IQSEC1: variants seen among roughly 807,000 people sequenced by gnomAD.
The protein encoded by IQSEC1 is IQ motif and Sec7 domain ArfGEF 1, also known as IQ motif and SEC7 domain-containing protein 1.
In IQSEC1, 31 loss-of-function variants were observed where a neutral mutation model predicts 91.0. The ratio of observed to expected loss-of-function variants is 0.34; its 90% CI spans 0.26 to 0.46. The LOEUF is 0.46. IQSEC1 is among the 20% of genes least tolerant of loss of function. The probability of loss-of-function intolerance (pLI) is 1.00; values close to 1 mark genes in which losing one functional copy is unlikely to be tolerated. For synonymous variants in IQSEC1, 699 were observed against 662.6 expected (o/e 1.05, Z -0.84); for missense variants, 1,388 against 1,575.6 (o/e 0.88, Z 2.02).
chr3:13,025,194 G>A (rs952272838), intron 1 of IQSEC1, among the ~76,000 whole-genome samples: 2 of 152,212 alleles, frequency 1.3e-5, no homozygotes, highest in Non-Finnish European at 2.9e-5. Flanking sequence ...TGGGGGAAGC[G>A]AGGGCAGGTC....
intron 2 of IQSEC1, among the ~76,000 whole-genome samples, chr3:13,131,037 A>AAGGAAGGAAGGAAAGGAAGGAAGGAAGG (rs144089637): frequency 2.4e-4 from 34 of 143,896 alleles, no homozygotes; most frequent in African/African-American, 7.5e-4. Context: ...GGAAGGAAGG[A>AAGGAAGGAAGGAAAGGAAGGAAGGAAGG]AAGGAAGGAA....
intron 1 of IQSEC1, among the ~76,000 whole-genome samples, chr3:13,267,089 G>T (rs73138154): frequency 0.048 from 7,358 of 152,250 alleles, 583 homozygotes; most frequent in African/African-American, 0.17. Flanking sequence ...GGGAGGTGGG[G>T]CCTCTGGGAG....
chr3:13,007,179 G>A (rs1702672442), intron 1 of IQSEC1, among the ~76,000 whole-genome samples: 2 of 152,236 alleles, frequency 1.3e-5, no homozygotes, highest in African/African-American at 4.8e-5. Context: ...AGGGAATCAC[G>A]TGTCTTCATG....
intron 2 of IQSEC1, among the ~76,000 whole-genome samples, chr3:13,158,869 C>T (rs1249722172): frequency 6.6e-6 from 1 of 151,736 alleles, no homozygotes; most frequent in Non-Finnish European, 1.5e-5. Context: ...GGCTGAGGCA[C>T]GAGAATCGCT....
chr3:13,229,535 G>C lies in IQSEC1; in HGVS notation c.272+53176C>G, dbSNP rs373639262. ...GGCTGCCCGGGACTGACTGTCACAC[G>C]AGTGCATTACAGACAAATGCAGGGG... On this transcript the variant is annotated intron_variant, in intron 1 of 15. Coordinates refer to the IQSEC1 transcript ENST00000648114. Among the ~76,000 whole-genome samples, 44 of 152,326 alleles carry C rather than the reference G, an allele frequency of 2.9e-4. No individual in the cohort carries two copies. In the South Asian group the frequency reaches 9.1e-3, roughly 32 times the overall value.
upstream of IQSEC1, among the ~76,000 whole-genome samples, chr3:13,076,681 C>CA (rs1705568122): frequency 6.6e-6 from 1 of 152,170 alleles, no homozygotes; most frequent in South Asian, 2.1e-4. Flanking sequence ...TGTGGAACTG[C>CA]AAAGCCGTCA....
At chr3:13,096,915 C>T (rs1244275011) in intron 2 of IQSEC1, among the ~76,000 whole-genome samples, 3 of 147,870 alleles carry the variant, frequency 2.0e-5, no homozygotes, top group Admixed American at 6.9e-5. Flanking sequence ...GGCTGGAGTG[C>T]GGTGGCGCGA....
chr3:12,996,627 T>G lies in IQSEC1; in HGVS notation c.24-54762A>C, dbSNP rs147920695. On this transcript the variant is annotated intron_variant, in intron 1 of 13. Coordinates refer to ENST00000613206, the MANE Select transcript of IQSEC1 (RefSeq NM_001134382.3). ...AGACAAATGGTAAACTGAAAAAAAATGTCTGCTGCAGCACATATGACAGAA... is the reference window on the plus strand; with the variant it reads ...AGACAAATGGTAAACTGAAAAAAAAGGTCTGCTGCAGCACATATGACAGAA... Among the ~76,000 whole-genome samples, 136 of 151,754 alleles carry G rather than the reference T, an allele frequency of 9.0e-4. 2 individuals carry two copies. The East Asian group carries it at 0.022, about 24-fold the overall frequency.
chr3:13,104,533 T>C (rs2686749), intron 2 of IQSEC1, among the ~76,000 whole-genome samples: 113,588 of 152,126 alleles, frequency 0.75, 42,769 homozygotes, highest in Admixed American at 0.79. Context: ...TTTCCACCGC[T>C]GACCCAGCAC....
intron 1 of IQSEC1, among the ~76,000 whole-genome samples, chr3:13,069,402 T>C (rs1705341422): frequency 6.6e-6 from 1 of 152,162 alleles, no homozygotes; most frequent in Non-Finnish European, 1.5e-5. Flanking sequence ...TGTGTGTGTG[T>C]GTGGAATGTT....
rs1438978995 is a variant in IQSEC1, at chr3:13,193,793, G to T, written c.273-29660C>A. The stretch of plus-strand genomic sequence containing the variant: ...CCCCCGGCCCCACACCCTCCTGCCT[G>T]CACCTGCTCACACCCAGACCTGGCC... On this transcript the variant is annotated intron_variant, in intron 1 of 15. Coordinates refer to the IQSEC1 transcript ENST00000648114. The surrounding 1 kb of genome is among the most constrained non-coding windows in gnomAD (Gnocchi z 4.2). Among the ~76,000 whole-genome samples, 2 of 152,128 alleles carry T rather than the reference G, an allele frequency of 1.3e-5. No homozygotes were observed. Among genetic ancestry groups the T allele is most frequent in the Non-Finnish European group, 2.9e-5 (2 of 68,010 alleles).
At chr3:13,233,012 G>A (rs966689615) in intron 1 of IQSEC1, among the ~76,000 whole-genome samples, 1 of 152,232 alleles carries the variant, frequency 6.6e-6, no homozygotes, top group Non-Finnish European at 1.5e-5. Context: ...TGGAGGCAGA[G>A]TTTGTATTTG....
In IQSEC1 at chr3:12,899,927, G is replaced by T. The variant is rs914100368; in HGVS notation, c.*1056C>A. ...CCGTGTATGGGTGCCCCTCTCGGAGGACTCTGAATGAGTGTGCGTCAAATC... is the reference window on the plus strand; with the variant it reads ...CCGTGTATGGGTGCCCCTCTCGGAGTACTCTGAATGAGTGTGCGTCAAATC... On this transcript the variant is annotated 3_prime_UTR_variant, in exon 14 of 14. Transcript: ENST00000613206. The T allele has an allele frequency of 1.0e-6, 1 of 985,286 alleles. No homozygotes were observed. The highest frequency in any genetic ancestry group is 1.2e-6 in the Non-Finnish European group (1 of 829,906). 61.0% of individuals were successfully genotyped at this position (985,286 alleles called of 1,614,324 possible).
intron 1 of IQSEC1, among the ~76,000 whole-genome samples, chr3:13,233,915 G>A (rs911923852): frequency 6.6e-6 from 1 of 152,174 alleles, no homozygotes; most frequent in Non-Finnish European, 1.5e-5. Flanking sequence ...CAAAAAGTGG[G>A]GAGGGTGAAT....
At chr3:13,118,811 C>T (rs926726204) in intron 2 of IQSEC1, among the ~76,000 whole-genome samples, 1 of 152,156 alleles carries the variant, frequency 6.6e-6, no homozygotes. Flanking sequence ...GGCGGTGGCT[C>T]ATGCCTGTAA....
chr3:13,036,285 T>C (rs1704032287), intron 1 of IQSEC1, among the ~76,000 whole-genome samples: 1 of 152,162 alleles, frequency 6.6e-6, no homozygotes, highest in Non-Finnish European at 1.5e-5. Context: ...TTTCTGTGAC[T>C]TTAGGCTGGT....
At position 12,922,376 on chromosome 3, in the gene IQSEC1, A is replaced by G. The variant is rs2125187305; in HGVS notation, c.1731-134T>C. ...CAGGGAGAGCCCCTGCCTGACTCCG[A>G]CCAATCAGCCAAGAGCCCTCAGAAT... On this transcript the variant is annotated intron_variant, in intron 4 of 13. Coordinates refer to ENST00000613206, the MANE Select transcript of IQSEC1 (RefSeq NM_001134382.3). The surrounding 1 kb of genome is among the most constrained non-coding windows in gnomAD (Gnocchi z 5.1). 2 of 1,127,726 alleles carry G rather than the reference A, an allele frequency of 1.8e-6. No homozygotes were observed. Among genetic ancestry groups the G allele is most frequent in the East Asian group, 2.9e-5 (1 of 34,746 alleles). 69.9% of individuals were successfully genotyped at this position (1,127,726 alleles called of 1,614,324 possible).
chr3:12,903,455 C>A (rs1356301113), intron 12 of IQSEC1, among the ~76,000 whole-genome samples: 1 of 152,226 alleles, frequency 6.6e-6, no homozygotes, highest in Non-Finnish European at 1.5e-5. Context: ...TGCCGGAAAC[C>A]GCCTTCCAGC....
At chr3:13,231,964 C>T (rs1694845925) in intron 1 of IQSEC1, among the ~76,000 whole-genome samples, 1 of 152,258 alleles carries the variant, frequency 6.6e-6, no homozygotes, top group South Asian at 2.1e-4. Context: ...CGCCGAGAGG[C>T]GGATGTCACT....
Sources: allele counts gnomAD v4.1 joint callset (sites outside exome capture counted in the v4.1 genomes callset), GRCh38; gene constraint gnomAD v4.1.1; non-coding constraint Gnocchi (gnomAD v3.1); transcripts MANE v1.5; gene names NCBI Gene and HGNC (gene_info 2026-07-23, HGNC 2026-07-21).